Variants in CFAP92 observed in about 807,000 individuals in gnomAD.
CFAP92 encodes cilia and flagella associated protein 92 (putative).
CFAP92 carries 86 observed loss-of-function variants against 106.3 expected under a neutral mutation model. The ratio of observed to expected loss-of-function variants is 0.81; its 90% CI spans 0.68 to 0.97. CFAP92 has a LOEUF of 0.97. Ranked by LOEUF, CFAP92 falls within the 50% of genes least tolerant of loss-of-function variation. The probability of loss-of-function intolerance (pLI) is 0.00; values close to 1 mark genes in which losing one functional copy is unlikely to be tolerated. For synonymous variants in CFAP92, 477 were observed against 506.4 expected, an observed-to-expected ratio of 0.94 and a Z score of 0.78; for missense variants, 1,204 against 1,283.8, an observed-to-expected ratio of 0.94 and a Z score of 0.95.
chr3:128,987,905 C>CCCCA (rs1943960957), intron 3 of CFAP92, 76 bp from the exon 4 acceptor site: 1 of 1,292,646 alleles, frequency 7.7e-7, no homozygotes, highest in African/African-American at 1.5e-5. Context: ...CAAGCCCCAG[C>CCCCA]CCCAGCCTGG....
At chr3:129,002,761 T>G, upstream of CFAP92, 5 of 166,348 alleles carry the variant, frequency 3.0e-5, no homozygotes, top group Admixed American at 6.4e-5. Flanking sequence ...GGGATATCCC[T>G]GCCTCCTGGG....
At position 129,001,895 on chromosome 3, in the gene CFAP92, C is replaced by A. The variant is rs1281179205; in HGVS notation, n.117+679G>T. 4 of 1,538,372 alleles carry A rather than the reference C, an allele frequency of 2.6e-6. No homozygotes were observed. The South Asian group carries it at 4.8e-5, about 19-fold the overall frequency. On this transcript the variant is annotated intron_variant and non_coding_transcript_variant, in intron 1 of 4. Coordinates refer to the CFAP92 transcript ENST00000510149. ...CGCTCTGCGCTGTGCTGGGGCTGCG[C>A]GCGGAGGGGGCCACCACGGCCGGGC...
At chr3:129,013,612 A>G in the CFAP92 span, among the ~76,000 whole-genome samples, 1 of 152,182 alleles carries the variant, frequency 6.6e-6, no homozygotes, top group Non-Finnish European at 1.5e-5. Context: ...CTTTCCCAGT[A>G]GTTCCAACAT....
chr3:128,942,600 G>A (rs939401939), intron 10 of CFAP92, among the ~76,000 whole-genome samples: 4 of 152,098 alleles, frequency 2.6e-5, no homozygotes, highest in South Asian at 2.1e-4. Context: ...GACTCAGATC[G>A]CCTCCCAGGA....
chr3:129,017,409 G>T, the CFAP92 span, among the ~76,000 whole-genome samples: 4 of 152,232 alleles, frequency 2.6e-5, no homozygotes, highest in African/African-American at 9.6e-5. Context: ...CCGTAGGCCG[G>T]AAGTCCAGGC....
intron 9 of CFAP92, among the ~76,000 whole-genome samples, chr3:128,948,243 G>GAGTGCAGT (rs1940430082): frequency 6.6e-6 from 1 of 151,974 alleles, no homozygotes; most frequent in Non-Finnish European, 1.5e-5. Flanking sequence ...CCCCGGGCTG[G>GAGTGCAGT]AGTGCAGTAG....
chr3:128,996,231 G>C (rs1160820838), upstream of CFAP92, among the ~76,000 whole-genome samples: 1 of 152,146 alleles, frequency 6.6e-6, no homozygotes, highest in Non-Finnish European at 1.5e-5. Flanking sequence ...AATGATCCCA[G>C]CCCTCAGTCT....
chr3:128,956,207 T>TAAAAAAAAA (rs1256391409), intron 9 of CFAP92, among the ~76,000 whole-genome samples: 1 of 53,222 alleles, frequency 1.9e-5, no homozygotes, highest in Non-Finnish European at 3.3e-5. Flanking sequence ...AAAAAAAAAA[T>TAAAAAAAAA]AAAAAAATAA....
chr3:129,001,803 C>T (rs1418106177), intron 1 of CFAP92: 1 of 1,545,484 alleles, frequency 6.5e-7, no homozygotes, highest in Non-Finnish European at 8.7e-7. Context: ...GGACCAGTAC[C>T]TGCAGGAGGT....
At chr3:128,911,661 C>G (rs1936337886) in intron 15 of CFAP92, among the ~76,000 whole-genome samples, 1 of 151,710 alleles carries the variant, frequency 6.6e-6, no homozygotes, top group Admixed American at 6.6e-5. Context: ...AAGCTGGTCT[C>G]CAACCCCTGA....
chr3:128,964,447 A>G (rs1426718764), intron 9 of CFAP92, among the ~76,000 whole-genome samples: 1 of 152,148 alleles, frequency 6.6e-6, no homozygotes, highest in African/African-American at 2.4e-5. Context: ...TCAACTACTC[A>G]TACGTGCCCT....
In CFAP92 at chr3:128,945,073, G is replaced by C. The variant is rs559803610; in HGVS notation, c.2256C>G (p.Ser752Arg). 9.0e-5 allele frequency: 137 copies of C among 1,517,752 alleles called. No homozygotes were observed. In the African/African-American group the frequency reaches 1.4e-3, roughly 16 times the overall value. 94.0% of individuals were successfully genotyped at this position (1,517,752 alleles called of 1,614,324 possible). A position where few individuals can be genotyped will look rare whatever the true frequency, so the allele number is the denominator to read the frequency against. The change falls in exon 10 of 16, where the codon AGC becomes AGG. Residue 752 changes from serine to arginine, a missense_variant and splice_region_variant. Physicochemically the swap from Ser to Arg is moderately radical, Grantham distance 110. Coordinates refer to ENST00000645291, the MANE Select transcript of CFAP92 (RefSeq NM_001394090.1). ...GLRQLWENHQ[S>R]WIPRSEHRKY... ...AAAATGTAAAACAAACCACCTACCA[G>C]CTTTGGTGGTTCTCCCACAGCTGCC...
chr3:128,941,469 C>A (rs1041167099), intron 10 of CFAP92, among the ~76,000 whole-genome samples: 1 of 152,062 alleles, frequency 6.6e-6, no homozygotes, highest in African/African-American at 2.4e-5. Context: ...TATCACTCTG[C>A]AAATTTTTAT....
At chr3:129,001,156 C>A (rs548475582) in intron 1 of CFAP92, among the ~76,000 whole-genome samples, 2 of 152,322 alleles carry the variant, frequency 1.3e-5, no homozygotes, top group Admixed American at 6.5e-5. Flanking sequence ...AGCAACCGGA[C>A]GAGGCCGCCA....
intron 12 of CFAP92, among the ~76,000 whole-genome samples, chr3:128,921,123 CTT>C (rs1937244217): frequency 6.6e-6 from 1 of 152,166 alleles, no homozygotes; most frequent in South Asian, 2.1e-4. Context: ...TTTATGCACT[CTT>C]GTCTCATCTG....
At chr3:128,910,622 G>C (rs1233144767) in intron 15 of CFAP92, 2 of 1,098,842 alleles carry the variant, frequency 1.8e-6, no homozygotes, top group Non-Finnish European at 2.8e-6. Context: ...GGTGACTCCT[G>C]TGCCAGGCCT....
chr3:128,941,127 C>T (rs552842441), intron 10 of CFAP92, among the ~76,000 whole-genome samples: 1 of 152,182 alleles, frequency 6.6e-6, no homozygotes, highest in Non-Finnish European at 1.5e-5. Flanking sequence ...ATGTCTTTCA[C>T]ATCTTTTTGT....
In CFAP92 at chr3:128,945,924, G is replaced by A. The variant is rs1414497336; in HGVS notation, c.1405C>T (p.His469Tyr). ...CCATGGGGCTCCCCCTTGGTCTTGT[G>A]AACTGGAGTCTTATGGAACTGGTAC... ...CKYQFHKTPVHKTKGEPHGTH... is the reference protein window; with the variant it reads ...CKYQFHKTPVYKTKGEPHGTH... Residue 469 changes from histidine (H) to tyrosine (Y), a missense_variant, in exon 10 of 16, where the codon CAC becomes TAC. Coordinates refer to ENST00000645291, the MANE Select transcript of CFAP92 (RefSeq NM_001394090.1). 1 of 1,452,600 alleles carries A rather than the reference G, an allele frequency of 6.9e-7. No homozygotes were observed. Among genetic ancestry groups the A allele is most frequent in the East Asian group, 2.5e-5 (1 of 40,408 alleles). The allele number at this position is 1,452,600 out of a possible 1,614,324, so 90.0% of individuals were successfully genotyped here.
intron 9 of CFAP92, among the ~76,000 whole-genome samples, chr3:128,956,222 A>T (rs1392498870): frequency 1.2e-4 from 10 of 86,254 alleles, no homozygotes; most frequent in Middle Eastern, 4.9e-3. Flanking sequence ...AAATAAAAAA[A>T]AAAAAAGAAA....
Sources: allele counts gnomAD v4.1 joint callset (sites outside exome capture counted in the v4.1 genomes callset), GRCh38; gene constraint gnomAD v4.1.1; transcripts MANE v1.5; gene names NCBI Gene and HGNC (gene_info 2026-07-23, HGNC 2026-07-21).